PARP11: variants seen among roughly 807,000 people sequenced by gnomAD.
The protein encoded by PARP11 is protein mono-ADP-ribosyltransferase PARP11.
In PARP11, 31 loss-of-function variants were observed where a neutral mutation model predicts 42.9. The observed-to-expected ratio is 0.72, with a 90% CI of 0.54 to 0.98. The LOEUF (loss-of-function observed/expected upper bound fraction) is 0.98. PARP11 is among the 50% of genes least tolerant of loss of function. The pLI, the probability that PARP11 is intolerant of heterozygous loss-of-function variation, is 0.00. For synonymous variants in PARP11, 137 were observed against 127.3 expected (o/e 1.08, Z -0.51); for missense variants, 365 against 413.1 (o/e 0.88, Z 1.01).
At position 3,830,015 on chromosome 12, in the gene PARP11, T is replaced by G. The variant is rs769023310; in HGVS notation, c.22A>C (p.Met8Leu). ...AATAATTCTTCTGCTTTGTGAAACATCTCCTGAAAAGCCAGAAGGAGGTGG... is the reference window on the plus strand; with the variant it reads ...AATAATTCTTCTGCTTTGTGAAACAGCTCCTGAAAAGCCAGAAGGAGGTGG... MWEANPE[M>L]FHKAEELFSK... The change falls in exon 2 of 8, where the codon ATG becomes CTG. Residue 8 changes from methionine to leucine, a missense_variant. Transcript: ENST00000228820. The G allele has an allele frequency of 6.2e-7, 1 of 1,613,514 alleles. No individual in the cohort carries two copies. Among genetic ancestry groups the G allele is most frequent in the Non-Finnish European group, 8.5e-7 (1 of 1,179,478 alleles).
At chr12:3,819,735 C>G (rs780317526) in intron 6 of PARP11, among the ~76,000 whole-genome samples, 1 of 152,190 alleles carries the variant, frequency 6.6e-6, no homozygotes, top group Non-Finnish European at 1.5e-5. Context: ...GTCTAGCCCC[C>G]GCTAACTCTC....
chr12:3,815,465 T>A (rs542273479), intron 6 of PARP11, among the ~76,000 whole-genome samples: 1 of 152,326 alleles, frequency 6.6e-6, no homozygotes, highest in African/African-American at 2.4e-5. Flanking sequence ...CTAGGCTTTC[T>A]TTTCTTGGTT....
At chr12:3,854,951 A>G (rs1948166229) in intron 1 of PARP11, among the ~76,000 whole-genome samples, 1 of 152,366 alleles carries the variant, frequency 6.6e-6, no homozygotes, top group African/African-American at 2.4e-5. Flanking sequence ...AGTTGGCTTC[A>G]TCCCTGGGAT....
At chr12:3,853,356 C>G (rs1948132149) in intron 1 of PARP11, among the ~76,000 whole-genome samples, 1 of 152,166 alleles carries the variant, frequency 6.6e-6, no homozygotes, top group African/African-American at 2.4e-5. Flanking sequence ...GATAAAGAGT[C>G]AAGACCCATC....
chr12:3,864,058 C>T (rs1027610729), intron 1 of PARP11: 1 of 152,226 alleles, frequency 6.6e-6, no homozygotes, highest in Non-Finnish European at 1.5e-5. Flanking sequence ...ACAACCCCAG[C>T]CTGTTGCGTT....
At chr12:3,823,915 CA>C (rs58303768) in intron 4 of PARP11, among the ~76,000 whole-genome samples, 16,937 of 113,946 alleles carry the variant, frequency 0.15, 1,082 homozygotes, top group Admixed American at 0.28. Flanking sequence ...GACTCTGTCT[CA>C]AAAAAAAAAA....
chr12:3,862,856 A>C (rs1775547706), intron 1 of PARP11, among the ~76,000 whole-genome samples: 1 of 152,152 alleles, frequency 6.6e-6, no homozygotes, highest in African/African-American at 2.4e-5. Flanking sequence ...TAAATCAGGT[A>C]GCATTTGCTC....
At chr12:3,854,979 T>A (rs1237251693) in intron 1 of PARP11, among the ~76,000 whole-genome samples, 1 of 152,178 alleles carries the variant, frequency 6.6e-6, no homozygotes, top group Non-Finnish European at 1.5e-5. Context: ...TGGTTCAACA[T>A]ATGCAAATCA....
chr12:3,850,309 C>A (rs191197142), intron 1 of PARP11, among the ~76,000 whole-genome samples: 1 of 151,962 alleles, frequency 6.6e-6, no homozygotes, highest in Non-Finnish European at 1.5e-5. Context: ...TATATCAGTT[C>A]GAACACCCCT....
intron 2 of PARP11, 37 bp downstream of exon 2, chr12:3,829,853 C>T (rs377635540): frequency 5.7e-5 from 92 of 1,608,380 alleles, no homozygotes; most frequent in Non-Finnish European, 7.7e-5. Context: ...CTAAGTGAAT[C>T]GAAAACACTT....
At chr12:3,844,373 C>G (rs1473305410) in intron 1 of PARP11, among the ~76,000 whole-genome samples, 11 of 152,316 alleles carry the variant, frequency 7.2e-5, no homozygotes, top group Non-Finnish European at 1.3e-4. Context: ...TTTCTTAACA[C>G]TGGTGGCTCA....
chr12:3,815,039 A>G, intron 6 of PARP11: 1 of 456,688 alleles, frequency 2.2e-6, no homozygotes, highest in Non-Finnish European at 4.4e-6. Context: ...GATGGAGTAA[A>G]CACTTCACCT....
intron 1 of PARP11, among the ~76,000 whole-genome samples, chr12:3,856,956 G>A (rs2138106510): frequency 6.6e-6 from 1 of 152,252 alleles, no homozygotes; most frequent in South Asian, 2.1e-4. Context: ...CCATAAAAAA[G>A]GATGAGTTCA....
At chr12:3,836,096 C>G (rs1795306240) in intron 1 of PARP11, among the ~76,000 whole-genome samples, 1 of 151,836 alleles carries the variant, frequency 6.6e-6, no homozygotes, top group African/African-American at 2.4e-5. Flanking sequence ...TAAATCTACA[C>G]ATCCAAGAAG....
chr12:3,860,952 A>G (rs1948283821), intron 1 of PARP11, among the ~76,000 whole-genome samples: 1 of 152,342 alleles, frequency 6.6e-6, no homozygotes, highest in Non-Finnish European at 1.5e-5. Flanking sequence ...AGCTGGGATT[A>G]CAGGCACAAG....
At chr12:3,828,819 C>T in intron 3 of PARP11, 91 bp downstream of exon 3, 2 of 1,144,160 alleles carry the variant, frequency 1.7e-6, no homozygotes, top group Non-Finnish European at 1.2e-6. Context: ...TCACTGTTTG[C>T]AAATATATCA....
chr12:3,855,715 G>T (rs1948177532), intron 1 of PARP11, among the ~76,000 whole-genome samples: 1 of 152,152 alleles, frequency 6.6e-6, no homozygotes, highest in Non-Finnish European at 1.5e-5. Flanking sequence ...GTAATTTATA[G>T]ATTCAATGCC....
chr12:3,815,243 A>G (rs1418262943), intron 6 of PARP11, among the ~76,000 whole-genome samples: 1 of 152,224 alleles, frequency 6.6e-6, no homozygotes, highest in African/African-American at 2.4e-5. Flanking sequence ...CAATTCATCC[A>G]GTGTCAAGTA....
intron 1 of PARP11, among the ~76,000 whole-genome samples, chr12:3,851,478 G>T (rs1161343542): frequency 6.6e-6 from 1 of 152,240 alleles, no homozygotes; most frequent in East Asian, 1.9e-4. Flanking sequence ...GGCTCAGCGG[G>T]TCCCATGCCC....
Sources: allele counts gnomAD v4.1 joint callset (sites outside exome capture counted in the v4.1 genomes callset), GRCh38; gene constraint gnomAD v4.1.1; transcripts MANE v1.5; gene names NCBI Gene and HGNC (gene_info 2026-07-23, HGNC 2026-07-21).